The following C22orf23 variants were observed in gnomAD, a reference collection of about 807,000 sequenced individuals.
C22orf23 encodes the protein chromosome 22 open reading frame 23, also known as UPF0193 protein EVG1.
A neutral mutation model predicts 29.7 loss-of-function variants in C22orf23; 30 were observed. That is an observed-to-expected ratio of 1.01 (90% CI 0.76 to 1.37). The LOEUF is 1.37. Among genes scored for constraint, C22orf23 ranks in the 40% most tolerant of loss-of-function variants. C22orf23 has a pLI of 0.00. For synonymous variants in C22orf23, 90 were observed against 96.1 expected (o/e 0.94, Z 0.37); for missense variants, 237 against 273.1 (o/e 0.87, Z 0.93).
intron 3 of C22orf23, 88 bp downstream of exon 3, chr22:37,951,372 G>T: frequency 1.7e-6 from 2 of 1,172,648 alleles, no homozygotes; most frequent in Non-Finnish European, 2.5e-6. Context: ...TTTTTTATAT[G>T]AGGTCCTCTC....
Position 37,943,890 on chromosome 22 carries a change from G to A in C22orf23, c.*285C>T, listed in dbSNP as rs879775391. 1 of 502,676 alleles carries A rather than the reference G, an allele frequency of 2.0e-6. No individual in the cohort carries two copies. The highest frequency in any genetic ancestry group is 3.6e-6 in the Non-Finnish European group (1 of 277,612). The allele number at this position is 502,676 out of a possible 1,614,324, so 31.1% of individuals were successfully genotyped here. A position where few individuals can be genotyped will look rare whatever the true frequency, so the allele number is the denominator to read the frequency against. ...AATGAACAGGCCACAGGTCAGAAGT[G>A]GTGGGAAGCAGGCCCAGTGGATACC... On this transcript the variant is annotated 3_prime_UTR_variant, in exon 7 of 7. Coordinates refer to ENST00000403305, the MANE Select transcript of C22orf23 (RefSeq NM_032561.5).
Position 37,949,449 on chromosome 22 carries a change from ATTTTTTTT to A in C22orf23, c.167-1994_167-1987del, listed in dbSNP as rs71195070. Among the ~76,000 whole-genome samples the A allele has an allele frequency of 1.4e-3, 102 of 70,926 alleles. 3 individuals are homozygous for A. Among genetic ancestry groups the A allele is most frequent in the South Asian group, 1.0e-3 (2 of 1,914 alleles). The allele number at this position is 70,926 out of a possible 152,430, so 46.5% of individuals were successfully genotyped here. A position where few individuals can be genotyped will look rare whatever the true frequency, so the allele number is the denominator to read the frequency against. ...TGGTGTGTGCCACCACGCCTGGCTAATTTTTTTTTTTTTTTTTTTTTTTTTTGAGACAG... is the reference window on the plus strand; with the variant it reads ...TGGTGTGTGCCACCACGCCTGGCTAATTTTTTTTTTTTTTTTTTGAGACAG... On this transcript the variant is annotated intron_variant, in intron 3 of 6. Transcript: ENST00000403305.
chr22:37,953,615 C>A, upstream of C22orf23: 2 of 726,370 alleles, frequency 2.8e-6, no homozygotes, highest in Admixed American at 6.1e-5. Flanking sequence ...AACGCGCACA[C>A]ACCAGTCAGC....
chr22:37,943,335 A>G lies in C22orf23; in HGVS notation c.*840T>C, dbSNP rs1270586592. The stretch of plus-strand genomic sequence containing the variant: ...TTGCCCAAGAAAGGTCACGCGGCAC[A>G]TGCAGGGATTGGAACTCCCAGGCCA... On this transcript the variant is annotated 3_prime_UTR_variant, in exon 7 of 7. Transcript: ENST00000403305. The G allele has an allele frequency of 6.6e-6, 1 of 152,200 alleles. No homozygotes were observed. The highest frequency in any genetic ancestry group is 6.6e-5 in the Admixed American group (1 of 15,256). The allele number at this position is 152,200 out of a possible 1,614,324, so 9.4% of individuals were successfully genotyped here.
At chr22:37,953,192 G>C (rs768521638) in intron 1 of C22orf23, 34 bp from the exon 2 acceptor site, 2 of 1,437,806 alleles carry the variant, frequency 1.4e-6, no homozygotes, top group African/African-American at 2.8e-5. Flanking sequence ...CACACCCCCT[G>C]TCTCCTGTCC....
Position 37,943,211 on chromosome 22 carries a change from A to AG in C22orf23, c.*963dup, listed in dbSNP as rs1295170161. 6.6e-6 allele frequency: 1 copy of AG among 152,100 alleles called. No individual in the cohort carries two copies. Among genetic ancestry groups the AG allele is most frequent in the Non-Finnish European group, 1.5e-5 (1 of 68,044 alleles). The allele number at this position is 152,100 out of a possible 1,614,324, so 9.4% of individuals were successfully genotyped here. On this transcript the variant is annotated 3_prime_UTR_variant, in exon 7 of 7. Transcript: ENST00000403305. ...GCAGGGATCGTGGGTGTCAGGAGCC[A>AG]GAGGGGAGGGGGACAGATGTGCTGT...
chr22:37,945,001 T>G, intron 5 of C22orf23, 41 bp downstream of exon 5: 2 of 1,551,568 alleles, frequency 1.3e-6, no homozygotes, highest in Non-Finnish European at 1.7e-6. Flanking sequence ...CCTCCTCACA[T>G]TACCCCCACC....
chr22:37,950,929 TTGGCCAGGCGTGG>T (rs1259638874), intron 3 of C22orf23: 3 of 131,400 alleles, frequency 2.3e-5, no homozygotes, highest in Admixed American at 1.6e-4. Flanking sequence ...AACAAAAAAG[TTGGCCAGGCGTGG>T]TGGCTCACTC....
At chr22:37,950,364 A>G (rs1930941891) in intron 3 of C22orf23, among the ~76,000 whole-genome samples, 1 of 151,892 alleles carries the variant, frequency 6.6e-6, no homozygotes, top group Admixed American at 6.6e-5. Flanking sequence ...TGCCCGCCTC[A>G]GCCTCCCAAA....
intron 2 of C22orf23, 135 bp downstream of exon 2, chr22:37,952,912 T>C (rs1931149874): frequency 2.9e-6 from 2 of 691,778 alleles, no homozygotes; most frequent in Non-Finnish European, 5.1e-6. Flanking sequence ...AGAATCTAAC[T>C]AATACCTGAT....
At chr22:37,950,552 C>G (rs1466940257) in intron 3 of C22orf23, among the ~76,000 whole-genome samples, 6 of 152,088 alleles carry the variant, frequency 3.9e-5, no homozygotes. Context: ...GTGATCCTCC[C>G]ACCTCAACCT....
At chr22:37,948,918 T>A (rs1930856747) in intron 3 of C22orf23, among the ~76,000 whole-genome samples, 1 of 152,214 alleles carries the variant, frequency 6.6e-6, no homozygotes, top group Non-Finnish European at 1.5e-5. Flanking sequence ...TTTATAGCTA[T>A]ATACTAGTAT....
chr22:37,945,494 CTTTTTTTT>C (rs369277812), intron 4 of C22orf23, among the ~76,000 whole-genome samples: 1 of 129,104 alleles, frequency 7.7e-6, no homozygotes, highest in Admixed American at 7.9e-5. Context: ...TTTTTTTCTT[CTTTTTTTT>C]TTTTTTTTTT....
rs202058137 is a variant in C22orf23, at chr22:37,945,218, C to A, written c.350-45G>T. On this transcript the variant is annotated intron_variant, in intron 4 of 6. Transcript: ENST00000403305. ...TGGCCTAGTTAGGCTGTAAAGGGTG[C>A]CCTTATTCATGGTCTGTGTTCCCAA... 1,836 of 1,583,734 alleles carry A rather than the reference C, an allele frequency of 1.2e-3. 8 individuals carry two copies. The highest frequency in any genetic ancestry group is 1.4e-3 in the Non-Finnish European group (1,645 of 1,167,778).
At chr22:37,953,418 C>A (rs1569159281) in intron 1 of C22orf23, 30 bp downstream of exon 1, 1 of 545,338 alleles carries the variant, frequency 1.8e-6, no homozygotes, top group Non-Finnish European at 3.2e-6. Context: ...ACAGTACCCA[C>A]TGAGTGATAT....
At chr22:37,944,977 C>G in intron 5 of C22orf23, 65 bp downstream of exon 5, 1 of 1,516,940 alleles carries the variant, frequency 6.6e-7, no homozygotes, top group Non-Finnish European at 8.8e-7. Flanking sequence ...ACTGCTCCAT[C>G]CAATTCTGGG....
intron 2 of C22orf23, chr22:37,951,797 C>CT (rs551481283): frequency 0.041 from 1,601 of 38,608 alleles, 354 homozygotes; most frequent in Non-Finnish European, 0.055. Context: ...TCCTCTTTCT[C>CT]TTTTTTTTTT....
chr22:37,952,968 C>T lies in C22orf23; in HGVS notation c.103+79G>A, dbSNP rs73415812. 6.6e-3 allele frequency: 6,513 copies of T among 988,606 alleles called. 279 individuals carry two copies. The African/African-American group carries it at 0.091, about 14-fold the overall frequency. 61.2% of individuals were successfully genotyped at this position (988,606 alleles called of 1,614,324 possible). The stretch of plus-strand genomic sequence containing the variant: ...CATCCCGAAACCATTCCCCACACCT[C>T]CGTCAGTGGAAAAATTGTCTTCCAC... On this transcript the variant is annotated intron_variant, in intron 2 of 6. Transcript: ENST00000403305.
At chr22:37,946,673 A>G (rs1182758762) in intron 4 of C22orf23, among the ~76,000 whole-genome samples, 1 of 151,372 alleles carries the variant, frequency 6.6e-6, no homozygotes, top group Non-Finnish European at 1.5e-5. Context: ...TGAGGCCAGG[A>G]GTTCAAGACC....
Sources: gnomAD v4.1 joint callset for allele counts (sites outside exome capture counted in the v4.1 genomes callset) on GRCh38, gnomAD v4.1.1 for gene constraint, MANE v1.5 for transcripts, NCBI Gene and HGNC (gene_info 2026-07-23, HGNC 2026-07-21) for gene names.